MCM3AP: variants seen among roughly 807,000 people sequenced by gnomAD.
The protein encoded by MCM3AP is germinal-center associated nuclear protein.
A neutral mutation model predicts 184.1 loss-of-function variants in MCM3AP; 126 were observed. The observed-to-expected ratio is 0.68, with a 90% CI of 0.59 to 0.79. MCM3AP has a LOEUF of 0.79. MCM3AP is among the 30% of genes least tolerant of loss of function. The pLI, the probability that MCM3AP is intolerant of heterozygous loss-of-function variation, is 0.00. For synonymous variants in MCM3AP, 1,002 were observed against 979.3 expected (o/e 1.02, Z -0.43); for missense variants, 2,496 against 2,479.2 (o/e 1.01, Z -0.14).
intron 26 of MCM3AP, among the ~76,000 whole-genome samples, chr21:46,239,031 G>C (rs1238470003): frequency 6.6e-6 from 1 of 152,232 alleles, no homozygotes; most frequent in East Asian, 1.9e-4. Context: ...CATTTGAGTA[G>C]AGATCTGAAG....
At chr21:46,246,457 G>A in intron 21 of MCM3AP, 53 bp from the exon 22 acceptor site, 1 of 1,361,304 alleles carries the variant, frequency 7.3e-7, no homozygotes, top group Non-Finnish European at 1.1e-6. Context: ...CAGCACACCT[G>A]CTAACATATC....
At chr21:46,235,463 T>G in intron 27 of MCM3AP, 37 bp from the exon 28 acceptor site, 3 of 1,594,088 alleles carry the variant, frequency 1.9e-6, no homozygotes, top group Middle Eastern at 3.3e-4. Context: ...AGTTTTGGGA[T>G]GTCAATAAAC....
At chr21:46,281,553 G>A (rs960284321) in intron 2 of MCM3AP, among the ~76,000 whole-genome samples, 2 of 152,208 alleles carry the variant, frequency 1.3e-5, no homozygotes, top group African/African-American at 4.8e-5. Context: ...TGGGCATGGT[G>A]GCTCATGCCC....
intron 20 of MCM3AP, 139 bp from the exon 21 acceptor site, chr21:46,247,025 A>AG: frequency 1.3e-6 from 1 of 754,638 alleles, no homozygotes; most frequent in Non-Finnish European, 2.2e-6. Flanking sequence ...CCAAGGGCAC[A>AG]GCTGGGCATA....
intron 6 of MCM3AP, among the ~76,000 whole-genome samples, chr21:46,274,627 G>A (rs544919839): frequency 1.4e-4 from 21 of 152,148 alleles, no homozygotes; most frequent in South Asian, 2.1e-4. Flanking sequence ...AAACAGACAG[G>A]AATAAGATCG....
Position 46,238,748 on chromosome 21 carries a change from T to C in MCM3AP, c.5634-1769A>G, listed in dbSNP as rs1343515621. ...AAATCTCATCCCAAACCACTTAAAT[T>C]ATAGAGACTGATTTTAGTAATCGGA... On this transcript the variant is annotated intron_variant, in intron 26 of 27. Coordinates refer to ENST00000291688, the MANE Select transcript of MCM3AP (RefSeq NM_003906.5). Among the ~76,000 whole-genome samples the C allele has an allele frequency of 3.9e-5, 2 of 51,824 alleles. 1 individual carries two copies. The highest frequency in any genetic ancestry group is 7.9e-5 in the Non-Finnish European group (2 of 25,234). The allele number at this position is 51,824 out of a possible 152,430, so 34.0% of individuals were successfully genotyped here. A position where few individuals can be genotyped will look rare whatever the true frequency, so the allele number is the denominator to read the frequency against.
intron 8 of MCM3AP, among the ~76,000 whole-genome samples, chr21:46,271,509 T>C (rs1413039050): frequency 6.6e-6 from 1 of 152,028 alleles, no homozygotes; most frequent in African/African-American, 2.4e-5. Flanking sequence ...TATTTATTTA[T>C]TCATTTTTGT....
rs189289266 is a variant in MCM3AP at position 46,244,590 on chromosome 21, G to C, written c.5038+217C>G. On this transcript the variant is annotated intron_variant, in intron 23 of 27. Transcript: ENST00000291688. Reference sequence around the variant, plus strand: ...ATGGACTGCCTTGCTGGTCAGGAAAGGCTAACAGCCCCCACTCCACAAAAC... The same window carrying C: ...ATGGACTGCCTTGCTGGTCAGGAAACGCTAACAGCCCCCACTCCACAAAAC... 118 of 588,580 alleles carry C rather than the reference G, an allele frequency of 2.0e-4. No homozygotes were observed. The African/African-American group carries it at 2.1e-3, about 10-fold the overall frequency. The allele number at this position is 588,580 out of a possible 1,614,324, so 36.5% of individuals were successfully genotyped here.
intron 13 of MCM3AP, among the ~76,000 whole-genome samples, chr21:46,263,809 A>AG (rs1352563140): frequency 1.4e-5 from 2 of 143,066 alleles, no homozygotes; most frequent in Admixed American, 7.3e-5. Flanking sequence ...AAAAAAAAAA[A>AG]AAGATGACAG....
intron 24 of MCM3AP, 175 bp from the exon 25 acceptor site, chr21:46,243,106 A>C (rs1362040473): frequency 3.1e-6 from 2 of 635,744 alleles, no homozygotes; most frequent in Admixed American, 3.2e-5. Context: ...AAAGTCACAC[A>C]ATTATGTGAC....
chr21:46,282,320 G>A (rs2081343643), intron 2 of MCM3AP, among the ~76,000 whole-genome samples: 2 of 152,136 alleles, frequency 1.3e-5, no homozygotes, highest in South Asian at 2.1e-4. Context: ...GAAACAACCC[G>A]CGTCTGCCAA....
At chr21:46,266,668 G>C (rs138229626) in intron 10 of MCM3AP, 1 of 341,428 alleles carries the variant, frequency 2.9e-6, no homozygotes, top group Non-Finnish European at 5.4e-6. Context: ...GAGGTTGTCC[G>C]TCATTGGCTG....
chr21:46,262,960 C>T (rs1190415806), intron 13 of MCM3AP, among the ~76,000 whole-genome samples: 5 of 107,170 alleles, frequency 4.7e-5, no homozygotes, highest in Admixed American at 1.1e-4. Context: ...AGGGAGACTC[C>T]GTCTCAAAAA....
At chr21:46,245,290 C>G in intron 22 of MCM3AP, 93 bp from the exon 23 acceptor site, 1 of 1,146,794 alleles carries the variant, frequency 8.7e-7, no homozygotes. Context: ...TTGCCCACAG[C>G]AGGTAATACC....
intron 15 of MCM3AP, among the ~76,000 whole-genome samples, chr21:46,260,557 G>A (rs1195694610): frequency 6.6e-6 from 1 of 152,194 alleles, no homozygotes; most frequent in East Asian, 1.9e-4. Flanking sequence ...TAATAAGGAT[G>A]GCTGACTATG....
intron 22 of MCM3AP, 29 bp from the exon 23 acceptor site, chr21:46,245,226 C>T (rs1385224004): frequency 1.3e-6 from 2 of 1,571,876 alleles, no homozygotes; most frequent in South Asian, 1.2e-5. Flanking sequence ...CTTGGTTGAA[C>T]AATTCACACT....
chr21:46,265,302 A>G lies in MCM3AP; in HGVS notation c.3234+19T>C. Reference sequence around the variant, plus strand: ...AATGGGCTTCCCAGAGTCCAGACCTAGAAAAAAAGAGTCCCTACCTCGTCA... The same window carrying G: ...AATGGGCTTCCCAGAGTCCAGACCTGGAAAAAAAGAGTCCCTACCTCGTCA... On this transcript the variant is annotated intron_variant, in intron 12 of 27. Transcript: ENST00000291688. The G allele has an allele frequency of 1.9e-6, 3 of 1,612,042 alleles. No homozygotes were observed. The highest frequency in any genetic ancestry group is 2.5e-6 in the Non-Finnish European group (3 of 1,178,644).
rs11702450 is a variant in MCM3AP, at chr21:46,283,735, G to A, written c.1323C>T (p.Asn441=). ...PSEVTAIQCK[N]IPDYLNDRTI... ...TCCTGTCGTTGAGGTAGTCAGGGAT[G>A]TTCTTGCACTGGATGGCTGTGACTT... The change falls in exon 2 of 28, where the codon AAC becomes AAT. Residue 441 remains asparagine (N), a synonymous_variant. Transcript: ENST00000291688. 0.37 allele frequency: 591,365 copies of A among 1,612,918 alleles called. 112,085 individuals are homozygous for A. Among genetic ancestry groups the A allele is most frequent in the Middle Eastern group, 0.4 (2,421 of 6,058 alleles).
At chr21:46,250,735 A>G (rs944755746) in intron 20 of MCM3AP, 1 of 152,250 alleles carries the variant, frequency 6.6e-6, no homozygotes. Context: ...CACCCATGAG[A>G]AACCTTGAGC....
Sources: allele counts gnomAD v4.1 joint callset (sites outside exome capture counted in the v4.1 genomes callset), GRCh38; gene constraint gnomAD v4.1.1; transcripts MANE v1.5; gene names NCBI Gene and HGNC (gene_info 2026-07-23, HGNC 2026-07-21).